The following KCTD2 variants were observed in gnomAD, a reference collection of about 807,000 sequenced individuals.
The protein encoded by KCTD2 is potassium channel tetramerization domain containing 2.
In KCTD2, 18 loss-of-function variants were observed where a neutral mutation model predicts 27.9. That is an observed-to-expected ratio of 0.64 (90% CI 0.45 to 0.96). KCTD2 has a LOEUF of 0.96. KCTD2 is among the 40% of genes least tolerant of loss of function. KCTD2 has a pLI of 0.00. For synonymous variants in KCTD2, 175 were observed against 148.4 expected (o/e 1.18, Z -1.30); for missense variants, 280 against 348.0 (o/e 0.80, Z 1.56).
chr17:75,051,520 G>A (rs957942809), intron 2 of KCTD2, among the ~76,000 whole-genome samples: 6 of 151,030 alleles, frequency 4.0e-5, no homozygotes, highest in Non-Finnish European at 7.4e-5. Context: ...TCCTGACCTC[G>A]TGATCCACCC....
chr17:75,059,449 G>A, intron 3 of KCTD2, 61 bp from the exon 4 acceptor site: 1 of 1,135,984 alleles, frequency 8.8e-7, no homozygotes, highest in Non-Finnish European at 1.2e-6. Context: ...GAGCCTCCTT[G>A]GGGCAGCTGC....
intron 3 of KCTD2, 106 bp from the exon 4 acceptor site, chr17:75,059,404 C>T: frequency 6.6e-6 from 4 of 604,886 alleles, no homozygotes; most frequent in Non-Finnish European, 1.1e-5. Flanking sequence ...AAAAGATTTC[C>T]AAGCAAACTC....
intron 3 of KCTD2, chr17:75,042,126 C>T: frequency 1.4e-6 from 2 of 1,477,058 alleles, no homozygotes; most frequent in Non-Finnish European, 1.9e-6. Context: ...CCTGTTCCTG[C>T]TCCCTACCCA....
chr17:75,056,958 T>C lies in KCTD2; in HGVS notation c.541-2552T>C, dbSNP rs961366733. ...TTCTTTTTTTTTCTTTTTTCTTTTT[T>C]TTTTTTTTTTTTTGGAGACAGAGTC... On this transcript the variant is annotated intron_variant, in intron 3 of 5. Coordinates refer to ENST00000322444, the MANE Select transcript of KCTD2 (RefSeq NM_015353.3). 1.5e-3 allele frequency among the ~76,000 whole-genome samples: 220 copies of C among 142,716 alleles called. 1 individual carries two copies. The highest frequency in any genetic ancestry group is 8.0e-3 in the East Asian group (40 of 5,014). The allele number at this position is 142,716 out of a possible 152,430, so 93.6% of individuals were successfully genotyped here. A position where few individuals can be genotyped will look rare whatever the true frequency, so the allele number is the denominator to read the frequency against.
chr17:75,035,571 A>C, intron 3 of KCTD2, among the ~76,000 whole-genome samples: 1 of 138,726 alleles, frequency 7.2e-6, no homozygotes, highest in South Asian at 2.1e-4. Flanking sequence ...CTGTAATCCC[A>C]ACACTTTGGG....
At chr17:75,056,030 C>CA (rs912948642) in intron 3 of KCTD2, among the ~76,000 whole-genome samples, 55 of 141,764 alleles carry the variant, frequency 3.9e-4, no homozygotes, top group East Asian at 1.0e-3. Flanking sequence ...GACTCCATCT[C>CA]AAAAAAAAAA....
chr17:75,034,540 T>C (rs9904728), intron 2 of KCTD2, among the ~76,000 whole-genome samples: 29,572 of 152,052 alleles, frequency 0.19, 4,960 homozygotes, highest in African/African-American at 0.46. Flanking sequence ...CCTTGATAGG[T>C]GTTCAACCAT....
chr17:75,044,199 ATTT>A (rs755560156), upstream of KCTD2, among the ~76,000 whole-genome samples: 2 of 94,676 alleles, frequency 2.1e-5, no homozygotes, highest in East Asian at 3.7e-4. Flanking sequence ...TAATTTTTGT[ATTT>A]TTTTTTTTTT....
At chr17:75,033,893 C>G (rs577555771) in intron 1 of KCTD2, 5 of 152,334 alleles carry the variant, frequency 3.3e-5, no homozygotes, top group Non-Finnish European at 7.3e-5. Context: ...GATGGCACGG[C>G]CACGTGCCCC....
At chr17:75,039,168 G>C (rs771524275) in intron 3 of KCTD2, 7 of 1,613,214 alleles carry the variant, frequency 4.3e-6, no homozygotes, top group African/African-American at 4.0e-5. Flanking sequence ...TCATGAAAGA[G>C]AGAACCCATA....
intron 1 of KCTD2, among the ~76,000 whole-genome samples, chr17:75,033,709 CGGGGGCT>C (rs1158767988): frequency 1.3e-5 from 2 of 152,224 alleles, no homozygotes; most frequent in Admixed American, 1.3e-4. Flanking sequence ...GTCCCAGTGC[CGGGGGCT>C]GGGGGCTGGT....
chr17:75,049,419 T>G (rs948598512), intron 2 of KCTD2, 91 bp downstream of exon 2: 2 of 816,682 alleles, frequency 2.4e-6, no homozygotes, highest in South Asian at 1.6e-5. Flanking sequence ...GACATTTTCA[T>G]CAGGCGCATG....
At chr17:75,041,290 G>A (rs1598687178) in intron 3 of KCTD2, 1 of 151,344 alleles carries the variant, frequency 6.6e-6, no homozygotes, top group African/African-American at 2.4e-5. Flanking sequence ...GGGAGAAAGA[G>A]GTTGCAGTGA....
chr17:75,057,623 G>A (rs564840117), intron 3 of KCTD2, among the ~76,000 whole-genome samples: 139 of 148,010 alleles, frequency 9.4e-4, no homozygotes, highest in African/African-American at 3.1e-3. Context: ...GCAATGGCGC[G>A]ATCTCAGCTC....
chr17:75,057,625 T>A (rs1226992722), intron 3 of KCTD2, among the ~76,000 whole-genome samples: 2 of 150,368 alleles, frequency 1.3e-5, no homozygotes, highest in East Asian at 4.0e-4. Context: ...AATGGCGCGA[T>A]CTCAGCTCGC....
At chr17:75,043,069 A>G (rs1384221291), upstream of KCTD2, among the ~76,000 whole-genome samples, 1 of 151,780 alleles carries the variant, frequency 6.6e-6, no homozygotes, top group Non-Finnish European at 1.5e-5. Context: ...TAAAAATACA[A>G]TAATTAGCCA....
chr17:75,059,298 G>A, intron 3 of KCTD2: 1 of 383,750 alleles, frequency 2.6e-6, no homozygotes, highest in Middle Eastern at 6.8e-4. Flanking sequence ...ATGCTGGCTT[G>A]TGGTCACTTA....
upstream of KCTD2, among the ~76,000 whole-genome samples, chr17:75,044,512 T>A (rs2073193284): frequency 6.9e-6 from 1 of 144,358 alleles, no homozygotes; most frequent in Admixed American, 6.7e-5. Flanking sequence ...GCCCTAATTT[T>A]TGTATTTTTA....
intron 2 of KCTD2, among the ~76,000 whole-genome samples, chr17:75,034,474 C>T (rs1446929805): frequency 2.0e-5 from 3 of 152,292 alleles, no homozygotes; most frequent in South Asian, 2.1e-4. Context: ...GCTTAGGAGG[C>T]CAGTGCCTTA....
Sources: allele counts gnomAD v4.1 joint callset (sites outside exome capture counted in the v4.1 genomes callset), GRCh38; gene constraint gnomAD v4.1.1; transcripts MANE v1.5; gene names NCBI Gene and HGNC (gene_info 2026-07-23, HGNC 2026-07-21).